SLC12A5: variants seen among roughly 807,000 people sequenced by gnomAD.
The protein encoded by SLC12A5 is solute carrier family 12 member 5.
Under a neutral mutation model 124.0 loss-of-function variants are expected in SLC12A5, and 18 were observed. The ratio of observed to expected loss-of-function variants is 0.15; its 90% CI spans 0.10 to 0.22. The LOEUF is 0.22. Ranked by LOEUF, SLC12A5 falls within the 10% of genes least tolerant of loss-of-function variation. The probability of loss-of-function intolerance (pLI) is 1.00; values close to 1 mark genes in which losing one functional copy is unlikely to be tolerated. For missense variants in SLC12A5, 867 were observed against 1,478.7 expected (o/e 0.59, Z 6.78); for synonymous variants, 589 against 568.0 (o/e 1.04, Z -0.53).
chr20:46,044,907 C>T (rs2297197), intron 11 of SLC12A5, 59 bp from the exon 12 acceptor site: 1 of 1,604,550 alleles, frequency 6.2e-7, no homozygotes, highest in East Asian at 2.2e-5. Flanking sequence ...GTATGGAGAC[C>T]TGCCCTGGAA....
rs148489203 is a variant in SLC12A5, at chr20:46,048,014, T to G, written c.1941T>G (p.Gly647=). 84 of 1,612,478 alleles carry G rather than the reference T, an allele frequency of 5.2e-5. No individual in the cohort carries two copies. In the African/African-American group the frequency reaches 1.1e-3, roughly 20 times the overall value. Residue 647 remains glycine (G), a synonymous_variant, in exon 16 of 26, where the codon GGT becomes GGG. Transcript: ENST00000243964. ...AGGAGTGGGGCGATGGGATACGAGG[T>G]CTGTCTCTCAGTGCGGCTCGCTATG... is the stretch of plus-strand genomic sequence containing the variant. ...AEKEWGDGIR[G]LSLSAARYAL...
chr20:46,049,664 T>C lies in SLC12A5; in HGVS notation c.2055T>C (p.Asn685=). 6.2e-7 allele frequency: 1 copy of C among 1,606,718 alleles called. No homozygotes were observed. Among genetic ancestry groups the C allele is most frequent in the Non-Finnish European group, 8.5e-7 (1 of 1,176,890 alleles). ...TGGTGCGTGTGGACCAAGACCAGAA[T>C]GTGGTGCACCCCCAGCTGCTCTCAC... ...LVLVRVDQDQ[N]VVHPQLLSLT... The change falls in exon 17 of 26, where the codon AAT becomes AAC. Residue 685 remains asparagine, a synonymous_variant. Coordinates refer to ENST00000243964, the MANE Select transcript of SLC12A5 (RefSeq NM_020708.5).
rs1376239329 is a variant in SLC12A5, at chr20:46,035,427, G to A, written c.171G>A (p.Met57Ile). 6.2e-7 allele frequency: 1 copy of A among 1,613,924 alleles called. No homozygotes were observed. The highest frequency in any genetic ancestry group is 8.5e-7 in the Non-Finnish European group (1 of 1,179,972). The change falls in exon 3 of 26, where the codon ATG (methionine) becomes ATA (isoleucine). Residue 57 changes from methionine (M) to isoleucine (I), a missense_variant. Coordinates refer to ENST00000243964, the MANE Select transcript of SLC12A5 (RefSeq NM_020708.5). ...LFEEEMDTSP[M>I]VSSLLSGLAN... ...AGGAGGAGATGGACACCAGCCCTAT[G>A]GTGTCCTCCTTGCTCAGTGGCCTGG...
chr20:46,042,684 C>A (rs1377020391), intron 8 of SLC12A5, among the ~76,000 whole-genome samples: 1 of 151,784 alleles, frequency 6.6e-6, no homozygotes, highest in Non-Finnish European at 1.5e-5. Context: ...AGAGAAGGGG[C>A]ATATTTAAGA....
At chr20:46,041,096 C>T (rs1270386925) in intron 7 of SLC12A5, 16 of 473,246 alleles carry the variant, frequency 3.4e-5, no homozygotes, top group African/African-American at 3.0e-4. Context: ...GGTGCTGAAA[C>T]ACAGCATTGC....
At chr20:46,054,866 C>T (rs1435850026) in intron 20 of SLC12A5, 50 bp from the exon 21 acceptor site, 1 of 1,384,594 alleles carries the variant, frequency 7.2e-7, no homozygotes, top group Admixed American at 1.7e-5. Flanking sequence ...TCATGCTTTC[C>T]TCCGTGTTCC....
rs1375725266 is a variant in SLC12A5 at position 46,056,342 on chromosome 20, C to T, written c.2911-23C>T. ...CCTTGGCCTCCAAAGGACTCAACTG[C>T]CATCGCTTCATTCATCCCTCAGGTG... On this transcript the variant is annotated intron_variant, in intron 22 of 25. Coordinates refer to ENST00000243964, the MANE Select transcript of SLC12A5 (RefSeq NM_020708.5). This position sits in a 1 kb window ranked among gnomAD's most constrained non-coding sequence, Gnocchi z 4.3. The T allele has an allele frequency of 1.9e-6, 3 of 1,608,024 alleles. No homozygotes were observed. The highest frequency in any genetic ancestry group is 2.5e-6 in the Non-Finnish European group (3 of 1,176,506).
chr20:46,039,259 T>A (rs114181816), intron 6 of SLC12A5, among the ~76,000 whole-genome samples: 2,657 of 152,236 alleles, frequency 0.017, 69 homozygotes, highest in African/African-American at 0.058. Context: ...AAAATACAGA[T>A]GTGCATAAAG....
At chr20:46,047,659 G>A (rs896731401) in intron 15 of SLC12A5, 86 bp downstream of exon 15, 17 of 1,516,532 alleles carry the variant, frequency 1.1e-5, no homozygotes, top group African/African-American at 2.7e-5. Context: ...AGGGATTGGG[G>A]TGGTGGGGGT....
Position 46,047,743 on chromosome 20 carries a change from T to TG in SLC12A5, c.1907+176dup, listed in dbSNP as rs567842250. Among the ~76,000 whole-genome samples, 710 of 150,690 alleles carry TG rather than the reference T, an allele frequency of 4.7e-3. 8 individuals carry two copies. The highest frequency in any genetic ancestry group is 6.5e-3 in the Non-Finnish European group (437 of 67,606). ...GGTGATATGGGATGACATTGGAAGA[T>TG]GGGGGGTGGGAGCAGAGGCTTTGAG... On this transcript the variant is annotated intron_variant, in intron 15 of 25. Coordinates refer to ENST00000243964, the MANE Select transcript of SLC12A5 (RefSeq NM_020708.5).
At chr20:46,036,149 A>C (rs1055799815) in intron 4 of SLC12A5, 1 of 485,686 alleles carries the variant, frequency 2.1e-6, no homozygotes, top group African/African-American at 1.9e-5. Flanking sequence ...GTGTAATTAC[A>C]CAAGTGATGC....
chr20:46,043,720 C>G lies in SLC12A5; in HGVS notation c.1325C>G (p.Thr442Ser), dbSNP rs2084568894. Residue 442 changes from threonine (T) to serine (S), a missense_variant, in exon 10 of 26, where the codon ACC (threonine) becomes AGC (serine). By Grantham distance (58) the Thr-to-Ser change is moderately conservative. Around this residue, in one of 9 missense-constraint regions of SLC12A5, gnomAD observed 152 missense variants for 358.7 expected, o/e 0.42. Transcript: ENST00000243964. Reference sequence around the variant, plus strand: ...GGCACCATCCTGGCCATCGCCACCACCTCTGCTGTCTGTATCCTGCACAGC... The same window carrying G: ...GGCACCATCCTGGCCATCGCCACCAGCTCTGCTGTCTGTATCCTGCACAGC... Reference protein sequence around the residue: ...PTGTILAIATTSAVYISSVVL... With the variant: ...PTGTILAIATSSAVYISSVVL... The G allele has an allele frequency of 6.2e-7, 1 of 1,614,116 alleles. No homozygotes were observed. Among genetic ancestry groups the G allele is most frequent in the Non-Finnish European group, 8.5e-7 (1 of 1,180,042 alleles).
At position 46,056,387 on chromosome 20, in the gene SLC12A5, G is replaced by A. The variant is rs1216388861; in HGVS notation, c.2933G>A (p.Ser978Asn). ...CAGGTGCAGCTGATCCACGATCAGA[G>A]TGCTCCCAGCTGCCCCAGCAGCTCC... ...EEEVQLIHDQSAPSCPSSSPS... is the reference protein window; with the variant it reads ...EEEVQLIHDQNAPSCPSSSPS... The change falls in exon 23 of 26, where the codon AGT becomes AAT. Residue 978 changes from serine (S) to asparagine (N), a missense_variant. Ser to Asn is a conservative substitution (Grantham distance 46). This residue lies in a region of SLC12A5 where 180 missense variants were observed against 243.6 expected (regional missense o/e 0.74). Transcript: ENST00000243964. This position sits in a 1 kb window ranked among gnomAD's most constrained non-coding sequence, Gnocchi z 4.3. 1.6e-5 allele frequency: 26 copies of A among 1,612,206 alleles called. No individual in the cohort carries two copies. The highest frequency in any genetic ancestry group is 2.0e-5 in the Non-Finnish European group (23 of 1,179,030).
At chr20:46,037,504 G>C in intron 6 of SLC12A5, 119 bp downstream of exon 6, 2 of 1,141,786 alleles carry the variant, frequency 1.8e-6, no homozygotes, top group Non-Finnish European at 2.3e-6. Flanking sequence ...GTTCAGTAAG[G>C]CCAAAGTCAG....
intron 7 of SLC12A5, chr20:46,041,045 C>G (rs998280077): frequency 2.4e-6 from 1 of 421,522 alleles, no homozygotes; most frequent in East Asian, 5.1e-5. Context: ...ACTCCATCCA[C>G]TGCTCAGAGG....
chr20:46,047,065 AC>A (rs1183231561), intron 14 of SLC12A5, among the ~76,000 whole-genome samples: 2 of 152,206 alleles, frequency 1.3e-5, no homozygotes, highest in Non-Finnish European at 2.9e-5. Flanking sequence ...CTGGGCTAGA[AC>A]CAGGGCTGCC....
rs1348851695 is a variant in SLC12A5, at chr20:46,059,738, T to TGTA, written c.*2136_*2138dup. On this transcript the variant is annotated 3_prime_UTR_variant, in exon 26 of 26. Coordinates refer to ENST00000243964, the MANE Select transcript of SLC12A5 (RefSeq NM_020708.5). ...TTCATCAAGTTATCTTTATAATCAC[T>TGTA]GTAGTTAGATGTTTCATGTCCATTC... 1 of 398,748 alleles carries TGTA rather than the reference T, an allele frequency of 2.5e-6. No individual in the cohort carries two copies. The highest frequency in any genetic ancestry group is 4.4e-6 in the Non-Finnish European group (1 of 225,936). The allele number at this position is 398,748 out of a possible 1,614,324, so 24.7% of individuals were successfully genotyped here. A position where few individuals can be genotyped will look rare whatever the true frequency, so the allele number is the denominator to read the frequency against.
At chr20:46,050,376 T>C (rs2084636805) in intron 17 of SLC12A5, among the ~76,000 whole-genome samples, 1 of 152,252 alleles carries the variant, frequency 6.6e-6, no homozygotes, top group African/African-American at 2.4e-5. Context: ...CAGGGCAGCC[T>C]ACAGAACCAA....
chr20:46,053,515 T>C lies in SLC12A5; in HGVS notation c.2548-63T>C. On this transcript the variant is annotated intron_variant, in intron 19 of 25. Coordinates refer to ENST00000243964, the MANE Select transcript of SLC12A5 (RefSeq NM_020708.5). This position sits in a 1 kb window ranked among gnomAD's most constrained non-coding sequence, Gnocchi z 4.7. ...AGGGGAAGGGTGAGCGGACAGGGCC[T>C]GGCCCTGGATCTCCTCATCACATCT... 1 of 1,599,428 alleles carries C rather than the reference T, an allele frequency of 6.3e-7. No homozygotes were observed. Among genetic ancestry groups the C allele is most frequent in the Non-Finnish European group, 8.5e-7 (1 of 1,173,156 alleles).
Sources: gnomAD v4.1 joint callset for allele counts (sites outside exome capture counted in the v4.1 genomes callset) on GRCh38, gnomAD v4.1.1 for gene constraint, gnomAD v4.1.1 regional missense constraint, Gnocchi (gnomAD v3.1) non-coding constraint, MANE v1.5 for transcripts, NCBI Gene and HGNC (gene_info 2026-07-23, HGNC 2026-07-21) for gene names.